The following AXDND1 variants were observed in gnomAD, a reference collection of about 807,000 sequenced individuals.
The protein encoded by AXDND1 is axonemal dynein light chain domain-containing protein 1.
Under a neutral mutation model 137.5 loss-of-function variants are expected in AXDND1, and 110 were observed. The ratio of observed to expected loss-of-function variants is 0.80; its 90% CI spans 0.69 to 0.94. AXDND1 has a LOEUF of 0.94. AXDND1 is among the 40% of genes least tolerant of loss of function. The probability of loss-of-function intolerance (pLI) is 0.00; values close to 1 mark genes in which losing one functional copy is unlikely to be tolerated. For missense variants in AXDND1, 1,191 were observed against 1,169.8 expected (o/e 1.02, Z -0.26); for synonymous variants, 414 against 399.7 (o/e 1.04, Z -0.43).
chr1:179,402,780 T>C (rs1652306444), intron 11 of AXDND1, among the ~76,000 whole-genome samples: 1 of 152,222 alleles, frequency 6.6e-6, no homozygotes, highest in African/African-American at 2.4e-5. Context: ...CAGAAAGTTG[T>C]CATACTCATT....
At chr1:179,474,336 T>C (rs923453590) in intron 17 of AXDND1, among the ~76,000 whole-genome samples, 2 of 152,130 alleles carry the variant, frequency 1.3e-5, no homozygotes, top group African/African-American at 4.8e-5. Flanking sequence ...CCTGAAAATA[T>C]GTAAGCCACA....
chr1:179,468,459 T>C lies in AXDND1; in HGVS notation c.1815T>C (p.Leu605=), dbSNP rs1663508278. 2 of 1,608,634 alleles carry C rather than the reference T, an allele frequency of 1.2e-6. No homozygotes were observed. The highest frequency in any genetic ancestry group is 1.7e-6 in the Non-Finnish European group (2 of 1,177,998). ...INGDNGYSKI[L]PSLISSLDFC... is the part of the protein sequence containing the mutation. ...CTTTTCTAGGTTACTCCAAAATTCT[T>C]CCAAGTTTGATTAGTTCTCTTGACT... is the stretch of plus-strand genomic sequence containing the variant. Residue 605 remains leucine, a synonymous_variant, in exon 17 of 26, where the codon CTT becomes CTC. Coordinates refer to ENST00000367618, the MANE Select transcript of AXDND1 (RefSeq NM_144696.6).
rs1490010141 is a variant in AXDND1 at position 179,552,614 on chromosome 1, C to T, written c.3032-1898C>T. ...GATGGAGTGCTCACCCGCACTTTGGCTTGTCTTTGCGCTTCAGCCTCCACA... is the reference window on the plus strand; with the variant it reads ...GATGGAGTGCTCACCCGCACTTTGGTTTGTCTTTGCGCTTCAGCCTCCACA... On this transcript the variant is annotated intron_variant, in intron 25 of 25. Coordinates refer to ENST00000367618, the MANE Select transcript of AXDND1 (RefSeq NM_144696.6). The T allele has an allele frequency of 1.2e-6, 2 of 1,613,696 alleles. No homozygotes were observed. The highest frequency in any genetic ancestry group is 1.7e-6 in the Non-Finnish European group (2 of 1,179,848).
chr1:179,429,698 A>C, intron 13 of AXDND1, 79 bp downstream of exon 13: 1 of 728,938 alleles, frequency 1.4e-6, no homozygotes, highest in Admixed American at 3.5e-5. Flanking sequence ...GCCTTTGTTA[A>C]ATTTATCGAT....
intron 4 of AXDND1, among the ~76,000 whole-genome samples, chr1:179,377,736 G>A (rs921620164): frequency 3.3e-5 from 5 of 152,228 alleles, no homozygotes; most frequent in African/African-American, 1.2e-4. Flanking sequence ...CTTGGCAGTG[G>A]TAATCACCAT....
chr1:179,408,968 C>CTTTTTTTTTTTT (rs74384865), intron 11 of AXDND1, among the ~76,000 whole-genome samples: 176 of 126,140 alleles, frequency 1.4e-3, no homozygotes, highest in Middle Eastern at 4.2e-3. Flanking sequence ...TTTTTTCTTT[C>CTTTTTTTTTTTT]TTTTTTTTTT....
At chr1:179,516,933 C>T (rs1212714265) in intron 21 of AXDND1, among the ~76,000 whole-genome samples, 1 of 152,166 alleles carries the variant, frequency 6.6e-6, no homozygotes, top group Non-Finnish European at 1.5e-5. Flanking sequence ...TGCTTGGTCT[C>T]CTGCCGGGAG....
chr1:179,487,499 A>AC (rs77414062), intron 18 of AXDND1, among the ~76,000 whole-genome samples: 73,486 of 147,498 alleles, frequency 0.5, 21,569 homozygotes, highest in East Asian at 0.76. Context: ...AACTGATTGA[A>AC]AAGCTTCATG....
At chr1:179,409,086 C>T (rs772208528) in intron 11 of AXDND1, among the ~76,000 whole-genome samples, 1 of 148,434 alleles carries the variant, frequency 6.7e-6, no homozygotes, top group African/African-American at 2.5e-5. Context: ...CTTCGATTCA[C>T]TAGTATGGTA....
chr1:179,465,446 G>A (rs369876960), intron 16 of AXDND1, among the ~76,000 whole-genome samples: 1 of 152,242 alleles, frequency 6.6e-6, no homozygotes, highest in African/African-American at 2.4e-5. Flanking sequence ...AAATATTGCA[G>A]AATGGCAAAT....
intron 12 of AXDND1, among the ~76,000 whole-genome samples, chr1:179,423,666 G>A (rs1656111283): frequency 6.6e-6 from 1 of 151,688 alleles, no homozygotes; most frequent in African/African-American, 2.4e-5. Context: ...TAAAAAAAGA[G>A]ATGACAATTT....
At chr1:179,457,811 T>C (rs1428743767) in intron 16 of AXDND1, among the ~76,000 whole-genome samples, 1 of 152,138 alleles carries the variant, frequency 6.6e-6, no homozygotes, top group Non-Finnish European at 1.5e-5. Context: ...AAAAGAGTAT[T>C]TAGAGATCGT....
At chr1:179,480,056 G>A (rs536231188) in intron 17 of AXDND1, among the ~76,000 whole-genome samples, 3 of 152,222 alleles carry the variant, frequency 2.0e-5, no homozygotes, top group South Asian at 2.1e-4. Flanking sequence ...ACATTTTCCT[G>A]TCTTCTTCTG....
chr1:179,465,307 A>G (rs1662965829), intron 16 of AXDND1, among the ~76,000 whole-genome samples: 1 of 152,118 alleles, frequency 6.6e-6, no homozygotes. Context: ...TTTGTTGTGG[A>G]TGTCCTTTCT....
chr1:179,386,010 T>C (rs1241658805), intron 9 of AXDND1, among the ~76,000 whole-genome samples: 1 of 151,826 alleles, frequency 6.6e-6, no homozygotes, highest in African/African-American at 2.4e-5. Context: ...CCCCCAAACG[T>C]AATGTGTGTT....
In AXDND1 at chr1:179,366,564, A is replaced by T; in HGVS notation, c.55A>T (p.Ser19Cys). The T allele has an allele frequency of 6.2e-7, 1 of 1,613,900 alleles. No individual in the cohort carries two copies. Among genetic ancestry groups the T allele is most frequent in the Non-Finnish European group, 8.5e-7 (1 of 1,179,846 alleles). Reference sequence around the variant, plus strand: ...GCTAAACTCTACATCAACATCTGAGAGCAAAAAGTTAAAAGTGTCTGTAGC... The same window carrying T: ...GCTAAACTCTACATCAACATCTGAGTGCAAAAAGTTAAAAGTGTCTGTAGC... ...TPLNSTSTSE[S>C]KKLKVSVAKE... Residue 19 changes from serine (S) to cysteine (C), a missense_variant, in exon 2 of 26, where the codon AGC becomes TGC. By Grantham distance (112) the Ser-to-Cys change is moderately radical. Coordinates refer to ENST00000367618, the MANE Select transcript of AXDND1 (RefSeq NM_144696.6).
At chr1:179,375,531 ATATG>A (rs1668513120) in intron 4 of AXDND1, among the ~76,000 whole-genome samples, 1 of 150,958 alleles carries the variant, frequency 6.6e-6, no homozygotes, top group Admixed American at 6.6e-5. Context: ...TATGCATTAT[ATATG>A]TATATACAGG....
chr1:179,534,292 T>C (rs1671305479), intron 24 of AXDND1, among the ~76,000 whole-genome samples: 1 of 152,190 alleles, frequency 6.6e-6, no homozygotes, highest in African/African-American at 2.4e-5. Context: ...TGTAGACATA[T>C]AACGTGCTGT....
chr1:179,538,138 A>C (rs1360067827), intron 25 of AXDND1, among the ~76,000 whole-genome samples: 2 of 152,030 alleles, frequency 1.3e-5, no homozygotes, highest in African/African-American at 2.4e-5. Flanking sequence ...CTTTTCATGA[A>C]ACCAGCTCCT....
Sources: allele counts gnomAD v4.1 joint callset (sites outside exome capture counted in the v4.1 genomes callset), GRCh38; gene constraint gnomAD v4.1.1; transcripts MANE v1.5; gene names NCBI Gene and HGNC (gene_info 2026-07-23, HGNC 2026-07-21).